Variants in ROGDI observed in about 807,000 individuals in gnomAD.
ROGDI encodes the protein rogdi atypical leucine zipper, also known as protein rogdi homolog.
ROGDI carries 46 observed loss-of-function variants against 43.1 expected under a neutral mutation model. The observed-to-expected ratio is 1.07, with a 90% confidence interval of 0.84 to 1.37. The LOEUF (loss-of-function observed/expected upper bound fraction) is 1.37, where lower values mean the gene tolerates loss of function less well. ROGDI is among the 40% of genes most tolerant of loss of function. ROGDI has a pLI of 0.00. For synonymous variants in ROGDI, 243 were observed against 162.0 expected, an observed-to-expected ratio of 1.50 and a Z score of -3.80; for missense variants, 518 against 383.9, an observed-to-expected ratio of 1.35 and a Z score of -2.92.
At position 4,797,938 on chromosome 16, in the gene ROGDI, A is replaced by T. The variant is rs776235683; in HGVS notation, c.695T>A (p.Phe232Tyr). Residue 232 changes from phenylalanine to tyrosine, a missense_variant and splice_region_variant, in exon 9 of 11, where the codon TTC becomes TAC. Phe to Tyr is a conservative substitution (Grantham distance 22). Coordinates refer to ENST00000322048, the MANE Select transcript of ROGDI (RefSeq NM_024589.3). ...GAVLHSPGAM[F>Y]EWGSQRLEVS... ...GGACCCCCCGCCCCTGCCTACTTAC[A>T]ACATGGCCCCAGGGCTATGCAGCAC... The T allele has an allele frequency of 6.2e-7, 1 of 1,600,216 alleles. No homozygotes were observed. Among genetic ancestry groups the T allele is most frequent in the Non-Finnish European group, 8.5e-7 (1 of 1,170,966 alleles).
At chr16:4,798,975 G>C (rs2082687268) in intron 6 of ROGDI, among the ~76,000 whole-genome samples, 1 of 152,136 alleles carries the variant, frequency 6.6e-6, no homozygotes, top group Non-Finnish European at 1.5e-5. Context: ...GTGGACAGGG[G>C]TACAGGCAAC....
chr16:4,797,918 C>A lies in ROGDI; in HGVS notation c.695+20G>T. 6.3e-7 allele frequency: 1 copy of A among 1,598,992 alleles called. No homozygotes were observed. The highest frequency in any genetic ancestry group is 8.5e-7 in the Non-Finnish European group (1 of 1,170,534). On this transcript the variant is annotated intron_variant, in intron 9 of 10. Transcript: ENST00000322048. ...GGGATGGGGTGGGCGTGCCTGGACC[C>A]CCCGCCCCTGCCTACTTACAACATG...
chr16:4,798,434 C>T, intron 7 of ROGDI, 135 bp downstream of exon 7: 1 of 788,556 alleles, frequency 1.3e-6, no homozygotes. Flanking sequence ...CCAAGGACCC[C>T]ATCCCAGAAA....
chr16:4,797,680 C>G, intron 10 of ROGDI, 34 bp downstream of exon 10: 1 of 1,085,408 alleles, frequency 9.2e-7, no homozygotes, highest in Non-Finnish European at 1.2e-6. Context: ...CTTAGAAGTC[C>G]TTCCCCTAAT....
chr16:4,802,482 G>C (rs1050715885), intron 1 of ROGDI, 29 bp from the exon 2 acceptor site: 2 of 1,223,676 alleles, frequency 1.6e-6, no homozygotes, highest in African/African-American at 3.2e-5. Context: ...GGTCGCGCCC[G>C]GCCCCGCCGC....
intron 2 of ROGDI, chr16:4,802,162 T>G (rs1406680660): frequency 1.5e-6 from 1 of 655,512 alleles, no homozygotes; most frequent in Non-Finnish European, 2.8e-6. Context: ...CGGGCGGGAC[T>G]CAGGCCCTTG....
chr16:4,800,725 G>T, intron 4 of ROGDI, 147 bp from the exon 5 acceptor site: 1 of 630,712 alleles, frequency 1.6e-6, no homozygotes, highest in Non-Finnish European at 2.8e-6. Context: ...CCAATGCCTT[G>T]GCCGTTTGGG....
intron 5 of ROGDI, among the ~76,000 whole-genome samples, chr16:4,800,032 G>A (rs928145093): frequency 2.6e-5 from 4 of 152,144 alleles, no homozygotes; most frequent in Non-Finnish European, 4.4e-5. Flanking sequence ...GAGTCTGTGC[G>A]AGTTGCGGAG....
At chr16:4,799,138 G>A (rs2082688644) in intron 6 of ROGDI, among the ~76,000 whole-genome samples, 1 of 152,140 alleles carries the variant, frequency 6.6e-6, no homozygotes, top group Non-Finnish European at 1.5e-5. Flanking sequence ...GCAGAGCCCT[G>A]GCAGACTCCT....
rs2141904354 is a variant in ROGDI at position 4,797,408 on chromosome 16, A to G, written c.*52T>C. On this transcript the variant is annotated 3_prime_UTR_variant, in exon 11 of 11. Transcript: ENST00000322048. The stretch of plus-strand genomic sequence containing the variant: ...CACTGGCTGGTGCTCTGTGGTGGGT[A>G]TGAGTAGGGGACGGGGCCGCCTTCC... 1.3e-6 allele frequency: 2 copies of G among 1,556,664 alleles called. No individual in the cohort carries two copies. Among genetic ancestry groups the G allele is most frequent in the South Asian group, 1.2e-5 (1 of 85,964 alleles).
chr16:4,802,317 G>C (rs746374028), intron 2 of ROGDI, 65 bp downstream of exon 2: 3 of 1,409,164 alleles, frequency 2.1e-6, no homozygotes, highest in East Asian at 2.5e-5. Context: ...CGCGGCCCCA[G>C]GTGGAGCCAG....
rs897555304 is a variant in ROGDI, at chr16:4,797,287, T to C, written c.*173A>G. 2.0e-5 allele frequency: 13 copies of C among 637,474 alleles called. 1 individual carries two copies. In the Middle Eastern group the frequency reaches 1.3e-3, roughly 64 times the overall value. 39.5% of individuals were successfully genotyped at this position (637,474 alleles called of 1,614,324 possible). ...CACTACCCCACCAAACCAGCCTTCCTTCCTCCTGGCACTTCCAGTGTCCAT... is the reference window on the plus strand; with the variant it reads ...CACTACCCCACCAAACCAGCCTTCCCTCCTCCTGGCACTTCCAGTGTCCAT... On this transcript the variant is annotated 3_prime_UTR_variant, in exon 11 of 11. Transcript: ENST00000322048.
intron 5 of ROGDI, among the ~76,000 whole-genome samples, chr16:4,800,284 C>T (rs529989829): frequency 1.3e-5 from 2 of 152,170 alleles, no homozygotes; most frequent in Admixed American, 6.5e-5. Flanking sequence ...ATGTGGCCCT[C>T]GGGGCTCTCA....
intron 3 of ROGDI, 86 bp downstream of exon 3, chr16:4,801,417 C>A: frequency 6.4e-7 from 1 of 1,557,982 alleles, no homozygotes; most frequent in Non-Finnish European, 8.8e-7. Context: ...ATCGCACAAC[C>A]AGCTGGTCTG....
intron 2 of ROGDI, chr16:4,802,015 C>T (rs1262219197): frequency 6.9e-6 from 4 of 580,746 alleles, no homozygotes; most frequent in Non-Finnish European, 1.3e-5. Context: ...CTGTTATCTC[C>T]CTTTTGCCAA....
intron 4 of ROGDI, 79 bp from the exon 5 acceptor site, chr16:4,800,657 G>T: frequency 8.4e-7 from 1 of 1,187,434 alleles, no homozygotes; most frequent in Non-Finnish European, 1.2e-6. Flanking sequence ...TAAGCCCAGG[G>T]CAGAAATGGG....
intron 2 of ROGDI, 59 bp downstream of exon 2, chr16:4,802,323 G>T: frequency 7.0e-7 from 1 of 1,427,644 alleles, no homozygotes. Context: ...CCCAGGTGGA[G>T]CCAGGGAAAT....
In ROGDI at chr16:4,799,796, C is replaced by A. The variant is rs1269854005; in HGVS notation, c.337-15G>T. The A allele has an allele frequency of 3.1e-6, 5 of 1,597,510 alleles. No homozygotes were observed. The African/African-American group carries it at 5.4e-5, about 17-fold the overall frequency. ...GCATCCTGGATCTGGAAGCAGGGGT[C>A]ATCCAGAGGGGTCACGCCAGCTTCC... is the stretch of plus-strand genomic sequence containing the variant. On this transcript the variant is annotated splice_polypyrimidine_tract_variant and intron_variant, in intron 5 of 10. Transcript: ENST00000322048.
chr16:4,797,903 G>A (rs1476621421), intron 9 of ROGDI, 35 bp downstream of exon 9: 3 of 1,601,240 alleles, frequency 1.9e-6, no homozygotes, highest in East Asian at 4.5e-5. Context: ...GGGATGGGGT[G>A]GGCGTGCCTG....
Sources: gnomAD v4.1 joint callset for allele counts (sites outside exome capture counted in the v4.1 genomes callset) on GRCh38, gnomAD v4.1.1 for gene constraint, MANE v1.5 for transcripts, NCBI Gene and HGNC (gene_info 2026-07-23, HGNC 2026-07-21) for gene names.